Variants in HAT1 observed in about 807,000 individuals in gnomAD.
HAT1 encodes histone acetyltransferase type B catalytic subunit.
A neutral mutation model predicts 56.6 loss-of-function variants in HAT1; 20 were observed. That is an observed-to-expected ratio of 0.35 (90% CI 0.25 to 0.51). The LOEUF is 0.51. Ranked by LOEUF, HAT1 falls within the 20% of genes least tolerant of loss-of-function variation. HAT1 has a pLI of 0.95. For synonymous variants in HAT1, 146 were observed against 165.5 expected (o/e 0.88, Z 0.91); for missense variants, 408 against 504.3 (o/e 0.81, Z 1.83).
chr2:171,940,697 T>C (rs1367864974), intron 2 of HAT1, among the ~76,000 whole-genome samples: 2 of 152,204 alleles, frequency 1.3e-5, no homozygotes, highest in South Asian at 2.1e-4. Context: ...TTGGTCTCGA[T>C]GTAACTAAGC....
intron 2 of HAT1, among the ~76,000 whole-genome samples, chr2:171,945,545 G>A (rs997007289): frequency 1.3e-5 from 2 of 148,550 alleles, no homozygotes; most frequent in African/African-American, 5.0e-5. Flanking sequence ...CCAGGCTGGA[G>A]TGCAGTGGCA....
chr2:171,941,001 A>G (rs1687005247), intron 2 of HAT1, among the ~76,000 whole-genome samples: 1 of 152,168 alleles, frequency 6.6e-6, no homozygotes, highest in Admixed American at 6.6e-5. Flanking sequence ...ACAGTGTGAG[A>G]AAGAGGCACA....
chr2:171,977,558 T>TATATATATATA (rs1491530330), intron 9 of HAT1, among the ~76,000 whole-genome samples: 25 of 9,390 alleles, frequency 2.7e-3, no homozygotes, highest in African/African-American at 4.4e-3. Flanking sequence ...TATATATATA[T>TATATATATATA]TTTTTTTTTT....
intron 8 of HAT1, among the ~76,000 whole-genome samples, chr2:171,972,977 A>G (rs979886156): frequency 6.6e-5 from 10 of 152,110 alleles, no homozygotes; most frequent in East Asian, 1.9e-4. Flanking sequence ...CTGGTTATCT[A>G]TGGCATCCAA....
chr2:171,977,555 A>ATT (rs1234192328), intron 9 of HAT1, among the ~76,000 whole-genome samples: 2 of 11,218 alleles, frequency 1.8e-4, no homozygotes, highest in Non-Finnish European at 3.1e-4. Context: ...ATATATATAT[A>ATT]TATTTTTTTT....
intron 3 of HAT1, among the ~76,000 whole-genome samples, chr2:171,952,069 C>T (rs1049531462): frequency 2.6e-5 from 4 of 152,182 alleles, no homozygotes; most frequent in African/African-American, 4.8e-5. Context: ...GAGATATATA[C>T]TGTGCAATTC....
At chr2:171,946,260 CATAA>C (rs1687161209) in intron 2 of HAT1, among the ~76,000 whole-genome samples, 2 of 152,210 alleles carry the variant, frequency 1.3e-5, no homozygotes, top group Admixed American at 6.5e-5. Context: ...ATGAGAACAA[CATAA>C]ATGTCATCTA....
chr2:171,961,518 T>A (rs2105332196), intron 4 of HAT1, among the ~76,000 whole-genome samples: 1 of 152,318 alleles, frequency 6.6e-6, no homozygotes, highest in Non-Finnish European at 1.5e-5. Context: ...TGAGAGGATA[T>A]GAGAGCAGAT....
chr2:171,967,958 A>AT (rs1385687638), intron 8 of HAT1, among the ~76,000 whole-genome samples: 1 of 148,578 alleles, frequency 6.7e-6, no homozygotes, highest in East Asian at 2.0e-4. Flanking sequence ...TAGTAAGCAG[A>AT]TTGTTTCATC....
chr2:171,961,672 A>T (rs192860156), intron 4 of HAT1, among the ~76,000 whole-genome samples: 2 of 152,340 alleles, frequency 1.3e-5, no homozygotes, highest in Non-Finnish European at 1.5e-5. Flanking sequence ...GAAATATCAT[A>T]AAGAGCTTTA....
intron 9 of HAT1, among the ~76,000 whole-genome samples, chr2:171,977,537 ATATATATATATATATATATATT>A (rs1688002756): frequency 6.7e-5 from 1 of 14,994 alleles, no homozygotes; most frequent in Admixed American, 1.1e-3. Context: ...ATATATATAT[ATATATATATATATATATATATT>A]TTTTTTTTTT....
intron 7 of HAT1, 142 bp from the exon 8 acceptor site, chr2:171,966,701 T>C (rs1687691159): frequency 3.2e-6 from 2 of 626,076 alleles, no homozygotes; most frequent in Non-Finnish European, 5.7e-6. Flanking sequence ...TTTGAGTATC[T>C]TGATAATTTT....
At chr2:171,961,096 C>T (rs1478571713) in intron 4 of HAT1, among the ~76,000 whole-genome samples, 8 of 152,182 alleles carry the variant, frequency 5.3e-5, no homozygotes, top group Admixed American at 2.6e-4. Context: ...AAGCCGAGTT[C>T]GCGCCACTGT....
intron 8 of HAT1, among the ~76,000 whole-genome samples, chr2:171,973,767 C>T (rs940572896): frequency 6.6e-6 from 1 of 152,140 alleles, no homozygotes; most frequent in Admixed American, 6.6e-5. Context: ...GGAAACCATC[C>T]CTTGTCTGTT....
chr2:171,976,167 A>G lies in HAT1; in HGVS notation c.834A>G (p.Pro278=). 1.9e-6 allele frequency: 3 copies of G among 1,575,318 alleles called. No individual in the cohort carries two copies. Among genetic ancestry groups the G allele is most frequent in the East Asian group, 4.6e-5 (2 of 43,752 alleles). The stretch of plus-strand genomic sequence containing the variant: ...GCTTTATTTATTTAGCGGAAGATCC[A>G]TCCAAAAGCTATGTGAAATTACGAG... ...PTVLDITAED[P]SKSYVKLRDF... is the part of the protein sequence containing the mutation. The change falls in exon 9 of 11, where the codon CCA becomes CCG. Residue 278 remains proline, a synonymous_variant. Coordinates refer to ENST00000264108, the MANE Select transcript of HAT1 (RefSeq NM_003642.4).
chr2:171,965,993 G>A, intron 6 of HAT1, 85 bp downstream of exon 6: 1 of 1,165,584 alleles, frequency 8.6e-7, no homozygotes, highest in Non-Finnish European at 1.2e-6. Context: ...TATTGGGACA[G>A]TATAATGATA....
intron 9 of HAT1, among the ~76,000 whole-genome samples, chr2:171,976,992 G>T (rs1687982489): frequency 6.7e-6 from 1 of 150,366 alleles, no homozygotes; most frequent in Non-Finnish European, 1.5e-5. Context: ...TGGCTAACAT[G>T]GTGAAACCCC....
intron 4 of HAT1, among the ~76,000 whole-genome samples, chr2:171,955,338 G>A (rs915388259): frequency 3.3e-5 from 5 of 152,302 alleles, no homozygotes; most frequent in South Asian, 2.1e-4. Context: ...TGGGCTGGGC[G>A]CAGTGGCTCA....
intron 4 of HAT1, among the ~76,000 whole-genome samples, chr2:171,954,642 C>T (rs6741030): frequency 0.19 from 28,402 of 151,888 alleles, 3,839 homozygotes; most frequent in African/African-American, 0.37. Flanking sequence ...GCCAAGATTG[C>T]GCCATTGCAC....
Sources: allele counts gnomAD v4.1 joint callset (sites outside exome capture counted in the v4.1 genomes callset), GRCh38; gene constraint gnomAD v4.1.1; transcripts MANE v1.5; gene names NCBI Gene and HGNC (gene_info 2026-07-23, HGNC 2026-07-21).